The following MGAT4D variants were observed in gnomAD, a reference collection of about 807,000 sequenced individuals.
MGAT4D encodes the protein MGAT4 family member D.
A neutral mutation model predicts 15.9 loss-of-function variants in MGAT4D; 34 were observed. The ratio of observed to expected loss-of-function variants is 2.14; its 90% CI spans 1.62 to 2.84. The LOEUF (loss-of-function observed/expected upper bound fraction) is 2.84, where lower values mean the gene tolerates loss of function less well. Among genes scored for constraint, MGAT4D ranks in the 30% most tolerant of loss-of-function variants. The pLI is 0.00. For synonymous variants in MGAT4D, 112 were observed against 48.2 expected, an observed-to-expected ratio of 2.33 and a Z score of -5.49; for missense variants, 327 against 140.2, an observed-to-expected ratio of 2.33 and a Z score of -6.73.
chr4:140,497,900 C>T (rs1296788010), intron 1 of MGAT4D, among the ~76,000 whole-genome samples: 5 of 152,170 alleles, frequency 3.3e-5, no homozygotes, highest in Non-Finnish European at 7.4e-5. Flanking sequence ...GCAGGCCGGA[C>T]GCGGCCCTGG....
At chr4:140,493,353 T>TG (rs1560805249) in intron 1 of MGAT4D, among the ~76,000 whole-genome samples, 2 of 148,680 alleles carry the variant, frequency 1.3e-5, no homozygotes, top group South Asian at 4.3e-4. Flanking sequence ...TGGAGTGCAG[T>TG]GGTGCGATCT....
At chr4:140,444,314 A>C (rs943348583) in intron 10 of MGAT4D, among the ~76,000 whole-genome samples, 29 of 152,106 alleles carry the variant, frequency 1.9e-4, no homozygotes, top group Admixed American at 1.3e-3. Context: ...TTATTTTGCT[A>C]CCCAGGTACT....
intron 10 of MGAT4D, among the ~76,000 whole-genome samples, chr4:140,445,056 A>ATAT (rs142547405): frequency 1.3e-5 from 2 of 149,960 alleles, no homozygotes; most frequent in Non-Finnish European, 3.0e-5. Flanking sequence ...TAATGTTTGT[A>ATAT]TTTTTTTTAG....
chr4:140,484,131 G>T (rs1481233191), intron 1 of MGAT4D, among the ~76,000 whole-genome samples: 1 of 152,088 alleles, frequency 6.6e-6, no homozygotes, highest in East Asian at 1.9e-4. Context: ...AATTTGTCCA[G>T]TGGGAGAAAA....
At chr4:140,470,001 G>T (rs1185982281) in intron 5 of MGAT4D, among the ~76,000 whole-genome samples, 1 of 152,216 alleles carries the variant, frequency 6.6e-6, no homozygotes, top group Non-Finnish European at 1.5e-5. Flanking sequence ...ACAAGAGCCT[G>T]GAAGGCGGTC....
At chr4:140,464,325 T>C (rs1731385358) in intron 6 of MGAT4D, among the ~76,000 whole-genome samples, 1 of 152,224 alleles carries the variant, frequency 6.6e-6, no homozygotes, top group Admixed American at 6.5e-5. Flanking sequence ...ATTATAATCC[T>C]TTGTATGTGT....
intron 1 of MGAT4D, among the ~76,000 whole-genome samples, chr4:140,496,448 A>C (rs963029059): frequency 6.6e-6 from 1 of 152,256 alleles, no homozygotes; most frequent in South Asian, 2.1e-4. Flanking sequence ...TCATAACCAG[A>C]AAACACACCA....
intron 3 of MGAT4D, among the ~76,000 whole-genome samples, chr4:140,477,532 T>C (rs1478552062): frequency 6.6e-6 from 1 of 152,188 alleles, no homozygotes; most frequent in Admixed American, 6.5e-5. Flanking sequence ...CCAGAGGAGG[T>C]ATGTTCATTA....
intron 1 of MGAT4D, among the ~76,000 whole-genome samples, chr4:140,483,323 G>A (rs1013649984): frequency 1.3e-5 from 2 of 152,096 alleles, no homozygotes; most frequent in South Asian, 2.1e-4. Flanking sequence ...CCAAGGAGGT[G>A]AAAGAATGGT....
intron 8 of MGAT4D, chr4:140,457,650 C>G (rs1236025500): frequency 6.6e-6 from 1 of 152,106 alleles, no homozygotes; most frequent in East Asian, 1.9e-4. Flanking sequence ...TAAGTTAAAA[C>G]TTGAATAAGA....
intron 3 of MGAT4D, among the ~76,000 whole-genome samples, chr4:140,477,773 G>A (rs1307323602): frequency 1.3e-5 from 2 of 152,224 alleles, no homozygotes; most frequent in Admixed American, 1.3e-4. Context: ...AGTCAAGTAT[G>A]ATCAGTGATG....
chr4:140,472,591 AG>A lies in MGAT4D; in HGVS notation c.526-771del, dbSNP rs1560784805. 1.3e-5 allele frequency among the ~76,000 whole-genome samples: 2 copies of A among 152,222 alleles called. 1 individual carries two copies. On this transcript the variant is annotated intron_variant, in intron 4 of 10. Transcript: ENST00000511113. ...GACATGATGTAGATAAATCTCTTAT[AG>A]TACTGGAGGCTCTTAACCATAAATT...
intron 1 of MGAT4D, among the ~76,000 whole-genome samples, chr4:140,493,918 G>C (rs1211300673): frequency 6.6e-6 from 1 of 152,192 alleles, no homozygotes; most frequent in African/African-American, 2.4e-5. Flanking sequence ...GTCAGACATT[G>C]AGGCAGTGGC....
intron 2 of MGAT4D, among the ~76,000 whole-genome samples, chr4:140,482,124 C>G (rs1578703153): frequency 6.6e-6 from 1 of 152,062 alleles, no homozygotes; most frequent in Admixed American, 6.6e-5. Context: ...ATTCACGGAG[C>G]CACAAAGCAC....
intron 5 of MGAT4D, among the ~76,000 whole-genome samples, chr4:140,465,454 C>T (rs1731471552): frequency 1.3e-5 from 2 of 152,204 alleles, no homozygotes; most frequent in Non-Finnish European, 2.9e-5. Context: ...TTTAGTCAGA[C>T]TCTTGTCCAC....
intron 2 of MGAT4D, 57 bp from the exon 3 acceptor site, chr4:140,479,684 G>A: frequency 2.7e-6 from 1 of 373,164 alleles, no homozygotes; most frequent in South Asian, 1.4e-4. Flanking sequence ...TTCTCCCCCT[G>A]GAATAATTTT....
chr4:140,476,254 T>C (rs1732325936), intron 3 of MGAT4D, among the ~76,000 whole-genome samples: 1 of 152,240 alleles, frequency 6.6e-6, no homozygotes, highest in African/African-American at 2.4e-5. Context: ...GTCAGTTATA[T>C]GTGTTATTAA....
intron 7 of MGAT4D, 73 bp from the exon 8 acceptor site, chr4:140,459,699 A>T: frequency 2.7e-6 from 1 of 373,504 alleles, no homozygotes; most frequent in East Asian, 3.7e-5. Context: ...TAGCTTGAAA[A>T]TAAAAAATAC....
Position 140,471,767 on chromosome 4 carries a change from G to A in MGAT4D, c.572+8C>T. On this transcript the variant is annotated splice_region_variant and intron_variant, in intron 5 of 10. Coordinates refer to ENST00000511113, the MANE Select transcript of MGAT4D (RefSeq NM_001277353.2). ...GGCTAATGTAAAAATATATCAGACA[G>A]TACTTACTTTTTTGTAATCATTTTA... The A allele has an allele frequency of 6.3e-6, 3 of 475,448 alleles. No individual in the cohort carries two copies. The highest frequency in any genetic ancestry group is 7.3e-5 in the East Asian group (2 of 27,240). The allele number at this position is 475,448 out of a possible 1,614,324, so 29.5% of individuals were successfully genotyped here.
Sources: gnomAD v4.1 joint callset for allele counts (sites outside exome capture counted in the v4.1 genomes callset) on GRCh38, gnomAD v4.1.1 for gene constraint, MANE v1.5 for transcripts, NCBI Gene and HGNC (gene_info 2026-07-23, HGNC 2026-07-21) for gene names.